AFF2: variants seen among roughly 807,000 people sequenced by gnomAD.
AFF2 encodes AF4/FMR2 family member 2.
A neutral mutation model predicts 76.9 loss-of-function variants in AFF2; 14 were observed. That is an observed-to-expected ratio of 0.18 (90% confidence interval 0.12 to 0.28). The LOEUF (loss-of-function observed/expected upper bound fraction) is 0.28. AFF2 is among the 10% of genes least tolerant of loss of function. The pLI is 1.00. For missense variants in AFF2, 868 were observed against 1,001.1 expected (o/e 0.87, Z 1.79); for synonymous variants, 398 against 366.7 (o/e 1.09, Z -0.98).
At chrX:148,948,421 G>T (rs115045229) in intron 9 of AFF2, among the ~76,000 whole-genome samples, 1,539 of 111,986 alleles carry the variant, frequency 0.014, 40 homozygotes, top group African/African-American at 0.047. Context: ...GGTTCATAAG[G>T]ATTATAATCT....
intron 9 of AFF2, among the ~76,000 whole-genome samples, chrX:148,933,906 C>G (rs2071743092): frequency 8.9e-6 from 1 of 112,064 alleles, no homozygotes; most frequent in African/African-American, 3.2e-5. Flanking sequence ...CCAGTGCTTC[C>G]TCCTTTCCTT....
intron 3 of AFF2, among the ~76,000 whole-genome samples, chrX:148,724,861 G>C (rs1257593040): frequency 7.1e-5 from 8 of 112,600 alleles, no homozygotes; most frequent in Non-Finnish European, 1.5e-4. Context: ...CAACAGCGGA[G>C]TTAGTAATTA....
At chrX:148,810,596 C>G (rs1319261318) in intron 4 of AFF2, among the ~76,000 whole-genome samples, 1 of 112,069 alleles carries the variant, frequency 8.9e-6, no homozygotes, top group Non-Finnish European at 1.9e-5. Context: ...TGGTAATGAG[C>G]TCCTGAGCTC....
At chrX:148,560,784 T>C (rs1253386618) in intron 1 of AFF2, among the ~76,000 whole-genome samples, 29 of 112,139 alleles carry the variant, frequency 2.6e-4, no homozygotes, top group Non-Finnish European at 2.1e-4. Flanking sequence ...GACATTTCGA[T>C]TTTTAACAGT....
chrX:148,719,130 C>CCAT (rs1557263586), intron 3 of AFF2: 1 of 1,130,272 alleles, frequency 8.8e-7, no homozygotes, highest in African/African-American at 1.8e-5. Flanking sequence ...TTGCAGTGGC[C>CCAT]CATCTATCTA....
At chrX:148,760,258 T>G (rs897829702) in intron 3 of AFF2, among the ~76,000 whole-genome samples, 1 of 111,491 alleles carries the variant, frequency 9.0e-6, no homozygotes, top group Admixed American at 9.6e-5. Context: ...AAATCAGGAT[T>G]TAGAATGGAA....
At chrX:148,952,137 C>T (rs1158877075) in intron 9 of AFF2, among the ~76,000 whole-genome samples, 2 of 111,469 alleles carry the variant, frequency 1.8e-5, no homozygotes, top group Non-Finnish European at 3.8e-5. Context: ...ATGGCTCCAG[C>T]TCAGTGAGTG....
At chrX:148,759,214 C>T (rs907109122) in intron 3 of AFF2, among the ~76,000 whole-genome samples, 10 of 112,016 alleles carry the variant, frequency 8.9e-5, no homozygotes, top group East Asian at 5.6e-4. Flanking sequence ...GGAAATGTCA[C>T]GACTTTGGGT....
chrX:148,602,382 G>A (rs1384818648), intron 1 of AFF2, among the ~76,000 whole-genome samples: 2 of 110,565 alleles, frequency 1.8e-5, no homozygotes, highest in Non-Finnish European at 3.8e-5. Flanking sequence ...TCAGACAGTG[G>A]CAAGATTCGA....
intron 7 of AFF2, among the ~76,000 whole-genome samples, chrX:148,860,585 A>T (rs2070836433): frequency 8.9e-6 from 1 of 112,085 alleles, no homozygotes; most frequent in South Asian, 3.7e-4. Context: ...AACTATAAGC[A>T]CATCTTGAAT....
chrX:148,801,711 G>C (rs2070061005), intron 3 of AFF2, among the ~76,000 whole-genome samples: 1 of 111,514 alleles, frequency 9.0e-6, no homozygotes, highest in Non-Finnish European at 1.9e-5. Context: ...TGAGTTCTAC[G>C]CATCAAGTAT....
At chrX:148,504,908 T>A (rs1281144642) in intron 1 of AFF2, among the ~76,000 whole-genome samples, 1 of 98,486 alleles carries the variant, frequency 1.0e-5, no homozygotes, top group Non-Finnish European at 2.0e-5. Context: ...CAGGACTGTT[T>A]ATGGATGGGA....
At chrX:148,764,096 T>C (rs782109140) in intron 3 of AFF2, among the ~76,000 whole-genome samples, 1 of 112,239 alleles carries the variant, frequency 8.9e-6, no homozygotes, top group East Asian at 2.8e-4. Context: ...GGCTGCCTTT[T>C]AAATACCAAA....
intron 3 of AFF2, among the ~76,000 whole-genome samples, chrX:148,800,573 A>C (rs2070043963): frequency 8.9e-6 from 1 of 111,884 alleles, no homozygotes; most frequent in Admixed American, 9.5e-5. Flanking sequence ...TTTTTCTAAA[A>C]GATTTTCAAA....
At chrX:148,980,274 T>C (rs1340778328) in intron 18 of AFF2, among the ~76,000 whole-genome samples, 4 of 111,987 alleles carry the variant, frequency 3.6e-5, no homozygotes, top group Non-Finnish European at 7.5e-5. Flanking sequence ...AGGTGATTCC[T>C]GAAAACAAAC....
intron 1 of AFF2, among the ~76,000 whole-genome samples, chrX:148,525,012 C>A (rs1237538802): frequency 3.6e-5 from 4 of 112,248 alleles, no homozygotes; most frequent in African/African-American, 1.3e-4. Context: ...GCTTCAACTG[C>A]AGTTGTAATT....
intron 3 of AFF2, among the ~76,000 whole-genome samples, chrX:148,699,421 A>T (rs1557261630): frequency 8.9e-6 from 1 of 111,783 alleles, no homozygotes. Flanking sequence ...ATAATGACAA[A>T]TAGTGTTTAG....
At chrX:148,684,533 T>C in intron 3 of AFF2, among the ~76,000 whole-genome samples, 1 of 112,526 alleles carries the variant, frequency 8.9e-6, no homozygotes, top group Middle Eastern at 4.6e-3. Flanking sequence ...CATAAGTTAA[T>C]GAGGCAGTCC....
At chrX:148,672,789 C>T (rs2054438644) in intron 3 of AFF2, among the ~76,000 whole-genome samples, 1 of 111,584 alleles carries the variant, frequency 9.0e-6, no homozygotes, top group Non-Finnish European at 1.9e-5. Flanking sequence ...TTTCTTGGTT[C>T]ATAAAGTTTC....
Sources: gnomAD v4.1 joint callset for allele counts (sites outside exome capture counted in the v4.1 genomes callset) on GRCh38, gnomAD v4.1.1 for gene constraint, MANE v1.5 for transcripts, NCBI Gene and HGNC (gene_info 2026-07-23, HGNC 2026-07-21) for gene names.